The following TMCC2 variants were observed in gnomAD, a reference collection of about 807,000 sequenced individuals.
The protein encoded by TMCC2 is transmembrane and coiled-coil domains protein 2.
Under a neutral mutation model 49.4 loss-of-function variants are expected in TMCC2, and 16 were observed. That is an observed-to-expected ratio of 0.32 (90% confidence interval 0.22 to 0.49). The LOEUF (loss-of-function observed/expected upper bound fraction) is 0.49. Ranked by LOEUF, TMCC2 falls within the 20% of genes least tolerant of loss-of-function variation. TMCC2 has a pLI of 0.99. For missense variants in TMCC2, 762 were observed against 989.8 expected (o/e 0.77, Z 3.09); for synonymous variants, 397 against 434.1 (o/e 0.91, Z 1.06).
intron 2 of TMCC2, among the ~76,000 whole-genome samples, chr1:205,247,284 C>G (rs1660490430): frequency 6.6e-6 from 1 of 152,142 alleles, no homozygotes; most frequent in South Asian, 2.1e-4. Context: ...CCAGCTAGGT[C>G]TTGGCAGGGA....
chr1:205,270,870 T>TATC (rs1661561042), intron 3 of TMCC2, among the ~76,000 whole-genome samples: 1 of 152,222 alleles, frequency 6.6e-6, no homozygotes, highest in East Asian at 1.9e-4. Context: ...CACTGGCACC[T>TATC]ATCTCATGGG....
At chr1:205,231,970 T>A (rs566732618) in intron 1 of TMCC2, among the ~76,000 whole-genome samples, 1 of 152,274 alleles carries the variant, frequency 6.6e-6, no homozygotes, top group Non-Finnish European at 1.5e-5. Context: ...AAGGACTCTG[T>A]GTAAAGCACC....
chr1:205,273,115 A>G lies in TMCC2; in HGVS notation c.*991A>G, dbSNP rs1322839155. ...CACGTGGCCTCTCTTTTATCCGTCT[A>G]TTTATTTTGTAAGTGTATTCGTGTG... is the stretch of plus-strand genomic sequence containing the variant. On this transcript the variant is annotated 3_prime_UTR_variant, in exon 5 of 5. Coordinates refer to ENST00000358024, the MANE Select transcript of TMCC2 (RefSeq NM_014858.4). 1.3e-5 allele frequency: 2 copies of G among 152,044 alleles called. No individual in the cohort carries two copies. The highest frequency in any genetic ancestry group is 2.9e-5 in the Non-Finnish European group (2 of 68,006). 9.4% of individuals were successfully genotyped at this position (152,044 alleles called of 1,614,324 possible). A position where few individuals can be genotyped will look rare whatever the true frequency, so the allele number is the denominator to read the frequency against.
chr1:205,238,393 TCTC>T (rs1333182306), intron 1 of TMCC2, among the ~76,000 whole-genome samples: 2 of 152,278 alleles, frequency 1.3e-5, no homozygotes, highest in African/African-American at 4.8e-5. Context: ...TTTGGAGTAA[TCTC>T]CTCTCTCTGC....
intron 2 of TMCC2, among the ~76,000 whole-genome samples, chr1:205,253,197 TAAC>T (rs951332368): frequency 8.0e-5 from 12 of 150,750 alleles, no homozygotes; most frequent in African/African-American, 2.7e-4. Flanking sequence ...AACGGAAGAA[TAAC>T]AACAAGGCAA....
intron 2 of TMCC2, among the ~76,000 whole-genome samples, chr1:205,247,544 A>G (rs1351931929): frequency 6.6e-6 from 1 of 152,120 alleles, no homozygotes. Flanking sequence ...CAGAGGAAAA[A>G]GGTCTTCCAG....
At chr1:205,246,417 G>A in intron 2 of TMCC2, 1 of 1,182,304 alleles carries the variant, frequency 8.5e-7, no homozygotes, top group Non-Finnish European at 1.1e-6. Context: ...TACGAGTCTG[G>A]AGTTCTGGGG....
intron 2 of TMCC2, among the ~76,000 whole-genome samples, chr1:205,262,026 T>G (rs2102595551): frequency 6.6e-6 from 1 of 152,322 alleles, no homozygotes; most frequent in Admixed American, 6.5e-5. Context: ...AGCATAATCT[T>G]TCCTTTGTTA....
intron 1 of TMCC2, among the ~76,000 whole-genome samples, chr1:205,232,592 G>T (rs1659842420): frequency 6.6e-6 from 1 of 152,072 alleles, no homozygotes; most frequent in South Asian, 2.1e-4. Flanking sequence ...GAGAGGTGGG[G>T]CTTAGGGGAA....
intron 1 of TMCC2, chr1:205,233,986 G>A (rs1471201323): frequency 6.6e-6 from 1 of 152,038 alleles, no homozygotes; most frequent in Non-Finnish European, 1.5e-5. Flanking sequence ...GTTCCCTGGG[G>A]CTCTCCAGGA....
chr1:205,249,663 G>A (rs1008571050), intron 2 of TMCC2, among the ~76,000 whole-genome samples: 3 of 152,198 alleles, frequency 2.0e-5, no homozygotes, highest in African/African-American at 7.2e-5. Context: ...GCCTCTGCCG[G>A]CCTGCCCTTC....
chr1:205,263,783 T>C (rs189694074), intron 2 of TMCC2, among the ~76,000 whole-genome samples: 2 of 152,276 alleles, frequency 1.3e-5, no homozygotes, highest in Admixed American at 1.3e-4. Context: ...TGGGCTGTGG[T>C]TGATAACCAC....
chr1:205,257,493 C>A (rs1473188930), intron 2 of TMCC2: 2 of 1,004,422 alleles, frequency 2.0e-6, no homozygotes, highest in African/African-American at 3.3e-5. Flanking sequence ...AGGGAGCTCT[C>A]CTCCAGGTAT....
intron 3 of TMCC2, 51 bp downstream of exon 3, chr1:205,269,935 C>A (rs763260280): frequency 2.6e-6 from 4 of 1,554,824 alleles, no homozygotes; most frequent in Non-Finnish European, 3.5e-6. Flanking sequence ...TGGGATGAGG[C>A]AAGGAGCACT....
chr1:205,267,985 G>C, intron 2 of TMCC2: 10 of 985,366 alleles, frequency 1.0e-5, no homozygotes, highest in Non-Finnish European at 1.2e-5. Context: ...CCCAATTCTC[G>C]GATACTAGGA....
At chr1:205,231,005 C>G (rs999741076) in intron 1 of TMCC2, among the ~76,000 whole-genome samples, 6 of 131,012 alleles carry the variant, frequency 4.6e-5, no homozygotes, top group African/African-American at 1.6e-4. Flanking sequence ...CATCCCCCCC[C>G]CCGCCCCCAG....
rs200199840 is a variant in TMCC2, at chr1:205,261,678, CA to C, written c.748-7259del. Among the ~76,000 whole-genome samples the C allele has an allele frequency of 2.0e-3, 291 of 143,582 alleles. 2 individuals are homozygous for C. Among genetic ancestry groups the C allele is most frequent in the African/African-American group, 6.1e-3 (234 of 38,496 alleles). 94.2% of individuals were successfully genotyped at this position (143,582 alleles called of 152,430 possible). A position where few individuals can be genotyped will look rare whatever the true frequency, so the allele number is the denominator to read the frequency against. On this transcript the variant is annotated intron_variant, in intron 2 of 4. Transcript: ENST00000358024. The stretch of plus-strand genomic sequence containing the variant: ...TAGGCCATGGAGTGAGAACCCGTCT[CA>C]AAAAAAAAAAAATTATTATAGTCAT...
chr1:205,246,474 A>C (rs1463902450), intron 2 of TMCC2: 19 of 1,429,218 alleles, frequency 1.3e-5, no homozygotes, highest in Non-Finnish European at 1.7e-5. Context: ...CAGCATATAG[A>C]TAGTATTTAA....
At chr1:205,267,361 A>T (rs1171976780) in intron 2 of TMCC2, among the ~76,000 whole-genome samples, 1 of 152,174 alleles carries the variant, frequency 6.6e-6, no homozygotes, top group Non-Finnish European at 1.5e-5. Context: ...GACTGTTTCC[A>T]GTTCTGGTGC....
Sources: gnomAD v4.1 joint callset for allele counts (sites outside exome capture counted in the v4.1 genomes callset) on GRCh38, gnomAD v4.1.1 for gene constraint, MANE v1.5 for transcripts, NCBI Gene and HGNC (gene_info 2026-07-23, HGNC 2026-07-21) for gene names.